The following SHISA9 variants were observed in gnomAD, a reference collection of about 807,000 sequenced individuals.
SHISA9 encodes shisa family member 9, also known as protein shisa-9.
SHISA9 carries 13 observed loss-of-function variants against 38.0 expected under a neutral mutation model. The ratio of observed to expected loss-of-function variants is 0.34; its 90% CI spans 0.22 to 0.54. The LOEUF (loss-of-function observed/expected upper bound fraction) is 0.54. Ranked by LOEUF, SHISA9 falls within the 20% of genes least tolerant of loss-of-function variation. The pLI is 0.91. For synonymous variants in SHISA9, 275 were observed against 242.0 expected, an observed-to-expected ratio of 1.14 and a Z score of -1.27; for missense variants, 538 against 575.8, an observed-to-expected ratio of 0.93 and a Z score of 0.67.
intron 2 of SHISA9, among the ~76,000 whole-genome samples, chr16:13,020,795 G>T: frequency 6.6e-6 from 1 of 152,198 alleles, no homozygotes; most frequent in East Asian, 1.9e-4. Context: ...TGGAAGGATA[G>T]GTTCCTAGCT....
At chr16:13,371,301 A>C in the SHISA9 span, among the ~76,000 whole-genome samples, 1 of 152,168 alleles carries the variant, frequency 6.6e-6, no homozygotes, top group Admixed American at 6.5e-5. Flanking sequence ...TAATATCCAG[A>C]TGTCCCTGCT....
At chr16:12,929,873 C>T (rs546794918) in intron 2 of SHISA9, among the ~76,000 whole-genome samples, 1 of 152,278 alleles carries the variant, frequency 6.6e-6, no homozygotes, top group African/African-American at 2.4e-5. Context: ...TACGCTCTTC[C>T]CTCTGCCTGC....
the SHISA9 span, among the ~76,000 whole-genome samples, chr16:13,553,941 C>A: frequency 6.6e-6 from 1 of 152,188 alleles, no homozygotes; most frequent in East Asian, 1.9e-4. Flanking sequence ...AAACCAGTCA[C>A]GGCTGTAAAG....
the SHISA9 span, among the ~76,000 whole-genome samples, chr16:13,441,900 G>A: frequency 6.6e-6 from 1 of 152,234 alleles, no homozygotes; most frequent in East Asian, 1.9e-4. Context: ...CCAAAGGGAT[G>A]TGCTGAAAAG....
chr16:13,416,757 A>AGGAAGGAAGGAAG, the SHISA9 span, among the ~76,000 whole-genome samples: 1,700 of 120,500 alleles, frequency 0.014, 16 homozygotes, highest in Middle Eastern at 0.029. Flanking sequence ...GAAGGAAGGA[A>AGGAAGGAAGGAAG]GGAAGGAAGG....
At chr16:13,391,173 G>C in the SHISA9 span, among the ~76,000 whole-genome samples, 1 of 152,200 alleles carries the variant, frequency 6.6e-6, no homozygotes, top group African/African-American at 2.4e-5. Context: ...CTGCTGAATA[G>C]AGTAAGTGAG....
chr16:13,205,171 A>G (rs1217186970), intron 3 of SHISA9, among the ~76,000 whole-genome samples: 1 of 152,172 alleles, frequency 6.6e-6, no homozygotes, highest in Non-Finnish European at 1.5e-5. Context: ...CTGGTTGAGG[A>G]TAAGATTCAG....
the SHISA9 span, among the ~76,000 whole-genome samples, chr16:13,447,756 C>A: frequency 6.6e-6 from 1 of 152,190 alleles, no homozygotes; most frequent in Non-Finnish European, 1.5e-5. Context: ...TGCATACACA[C>A]AAAAAACTCT....
At chr16:13,009,567 G>A (rs1409885612) in intron 2 of SHISA9, among the ~76,000 whole-genome samples, 3 of 152,172 alleles carry the variant, frequency 2.0e-5, no homozygotes, top group African/African-American at 4.8e-5. Flanking sequence ...AGAAGCCTCC[G>A]AGGAACCTGG....
chr16:13,409,628 A>C, the SHISA9 span, among the ~76,000 whole-genome samples: 1 of 152,176 alleles, frequency 6.6e-6, no homozygotes, highest in Non-Finnish European at 1.5e-5. Flanking sequence ...CTATACATGG[A>C]AATAATTGAG....
At chr16:12,980,216 C>T (rs538280287) in intron 2 of SHISA9, among the ~76,000 whole-genome samples, 1 of 152,256 alleles carries the variant, frequency 6.6e-6, no homozygotes, top group South Asian at 2.1e-4. Flanking sequence ...CATCTGGTAC[C>T]ATCTCCACTG....
In SHISA9 at chr16:13,211,984, C is replaced by G. The variant is rs6498398; in HGVS notation, c.848-1269C>G. On this transcript the variant is annotated intron_variant, in intron 3 of 4. Transcript: ENST00000558583. ...TCAGTTTTAACTTCCTCACTCTTCT[C>G]TCTTCTGTTGCTCCAATTGTCCCTC... Among the ~76,000 whole-genome samples, 200 of 152,120 alleles carry G rather than the reference C, an allele frequency of 1.3e-3. 1 individual carries two copies. The highest frequency in any genetic ancestry group is 4.6e-3 in the African/African-American group (192 of 41,462).
At chr16:13,255,931 G>T in the SHISA9 span, among the ~76,000 whole-genome samples, 1 of 152,142 alleles carries the variant, frequency 6.6e-6, no homozygotes, top group Non-Finnish European at 1.5e-5. Context: ...TTAAATTTAT[G>T]CTTAAATCCT....
intron 2 of SHISA9, among the ~76,000 whole-genome samples, chr16:13,086,457 T>G (rs2073712135): frequency 6.6e-6 from 1 of 151,286 alleles, no homozygotes; most frequent in South Asian, 2.1e-4. Flanking sequence ...AAAGAGGTAG[T>G]AAATTGAAAG....
At chr16:13,010,030 T>C (rs2072651113) in intron 2 of SHISA9, among the ~76,000 whole-genome samples, 2 of 151,964 alleles carry the variant, frequency 1.3e-5, no homozygotes, top group South Asian at 4.2e-4. Flanking sequence ...TAAAAAAAAT[T>C]AGCTGGTTGT....
chr16:13,369,146 G>T, the SHISA9 span, among the ~76,000 whole-genome samples: 1 of 152,172 alleles, frequency 6.6e-6, no homozygotes, highest in Non-Finnish European at 1.5e-5. Flanking sequence ...TGCTCAGTGT[G>T]ATTCCATTCA....
chr16:13,051,116 A>G (rs1234534880), intron 2 of SHISA9, among the ~76,000 whole-genome samples: 2 of 152,212 alleles, frequency 1.3e-5, no homozygotes, highest in East Asian at 1.9e-4. Context: ...GTCTGTTCTC[A>G]CACTGCTAAT....
chr16:13,536,904 ATGT>A, the SHISA9 span, among the ~76,000 whole-genome samples: 1 of 152,172 alleles, frequency 6.6e-6, no homozygotes, highest in Non-Finnish European at 1.5e-5. Context: ...TCCCACACTA[ATGT>A]TGTCCTACTA....
chr16:13,092,778 G>A (rs2073788358), intron 2 of SHISA9, among the ~76,000 whole-genome samples: 1 of 152,146 alleles, frequency 6.6e-6, no homozygotes, highest in Non-Finnish European at 1.5e-5. Flanking sequence ...TGTGCTTCTT[G>A]GGTGAGGTGA....
Sources: allele counts gnomAD v4.1 joint callset (sites outside exome capture counted in the v4.1 genomes callset), GRCh38; gene constraint gnomAD v4.1.1; transcripts MANE v1.5; gene names NCBI Gene and HGNC (gene_info 2026-07-23, HGNC 2026-07-21).